DTWD1: variants seen among roughly 807,000 people sequenced by gnomAD.
DTWD1 encodes tRNA-uridine aminocarboxypropyltransferase 1.
A neutral mutation model predicts 30.2 loss-of-function variants in DTWD1; 27 were observed. The ratio of observed to expected loss-of-function variants is 0.90; its 90% CI spans 0.66 to 1.23. The LOEUF (loss-of-function observed/expected upper bound fraction) is 1.23. Among genes scored for constraint, DTWD1 ranks in the 50% most tolerant of loss-of-function variants. DTWD1 has a pLI of 0.00. For missense variants in DTWD1, 342 were observed against 348.8 expected, an observed-to-expected ratio of 0.98 and a Z score of 0.15; for synonymous variants, 99 against 113.1, an observed-to-expected ratio of 0.88 and a Z score of 0.79.
At chr15:49,623,426 C>CTT (rs112862445) in intron 1 of DTWD1, among the ~76,000 whole-genome samples, 1 of 147,280 alleles carries the variant, frequency 6.8e-6, no homozygotes, top group African/African-American at 2.5e-5. Flanking sequence ...TCTTCCCAAG[C>CTT]TTTTTTTTTT....
chr15:49,638,372 T>G (rs898473401), intron 4 of DTWD1, among the ~76,000 whole-genome samples: 1 of 152,162 alleles, frequency 6.6e-6, no homozygotes, highest in African/African-American at 2.4e-5. Flanking sequence ...AGATCAAAAA[T>G]TTTTAAAGGG....
chr15:49,628,809 A>G (rs886451194), intron 2 of DTWD1, among the ~76,000 whole-genome samples: 2 of 152,018 alleles, frequency 1.3e-5, no homozygotes, highest in Middle Eastern at 3.2e-3. Flanking sequence ...CCTCAGAGCA[A>G]ATGTTTTTGT....
rs1185009936 is a variant in DTWD1, at chr15:49,649,222, G to A, written c.*5644G>A. The A allele has an allele frequency of 6.6e-6, 1 of 152,144 alleles. No homozygotes were observed. The highest frequency in any genetic ancestry group is 2.4e-5 in the African/African-American group (1 of 41,440). 9.4% of individuals were successfully genotyped at this position (152,144 alleles called of 1,614,324 possible). On this transcript the variant is annotated 3_prime_UTR_variant, in exon 5 of 5. Transcript: ENST00000403028. ...TTCTTAACAACATTGGAAACTAGAAGACATGGGGTGATGCCTTTAGAACTT... is the reference window on the plus strand; with the variant it reads ...TTCTTAACAACATTGGAAACTAGAAAACATGGGGTGATGCCTTTAGAACTT...
chr15:49,643,179 A>G (rs984483290), intron 4 of DTWD1, 152 bp from the exon 5 acceptor site: 5 of 840,194 alleles, frequency 6.0e-6, no homozygotes, highest in African/African-American at 1.8e-5. Flanking sequence ...TCTTGTTTCA[A>G]ACTGGGATTG....
chr15:49,623,948 T>C (rs1022722867), intron 1 of DTWD1: 1 of 152,194 alleles, frequency 6.6e-6, no homozygotes, highest in Admixed American at 6.5e-5. Flanking sequence ...TACTGTATTT[T>C]GTTTTTCCCC....
chr15:49,654,045 G>C lies in DTWD1; in HGVS notation c.*10467G>C, dbSNP rs1324257109. 6.6e-6 allele frequency: 1 copy of C among 152,096 alleles called. No individual in the cohort carries two copies. Among genetic ancestry groups the C allele is most frequent in the East Asian group, 1.9e-4 (1 of 5,140 alleles). The allele number at this position is 152,096 out of a possible 1,614,324, so 9.4% of individuals were successfully genotyped here. ...GACCCTGAAAACAATTTAATTTTAT[G>C]CTTCCTGTTTCCTTGTCTCCTTTTT... On this transcript the variant is annotated 3_prime_UTR_variant, in exon 5 of 5. Transcript: ENST00000403028.
chr15:49,637,480 T>C (rs2079016886), intron 4 of DTWD1, among the ~76,000 whole-genome samples: 1 of 152,190 alleles, frequency 6.6e-6, no homozygotes, highest in Non-Finnish European at 1.5e-5. Flanking sequence ...TTCATTACTT[T>C]TGGGATGTCA....
rs571455308 is a variant in DTWD1, at chr15:49,625,511, A to G, written c.264+80A>G. 17 of 1,248,040 alleles carry G rather than the reference A, an allele frequency of 1.4e-5. 1 individual carries two copies. The South Asian group carries it at 2.7e-4, about 19-fold the overall frequency. 77.3% of individuals were successfully genotyped at this position (1,248,040 alleles called of 1,614,324 possible). On this transcript the variant is annotated intron_variant, in intron 2 of 4. Coordinates refer to ENST00000403028, the MANE Select transcript of DTWD1 (RefSeq NM_001144955.2). ...CTCATGTATACCTACTCTAATTGAT[A>G]AACTTAATAAATAATGTTATTATTG...
chr15:49,632,026 T>G (rs2078927025), intron 2 of DTWD1, 133 bp from the exon 3 acceptor site: 1 of 864,758 alleles, frequency 1.2e-6, no homozygotes, highest in African/African-American at 1.7e-5. Context: ...AATATTATGG[T>G]ATATCTTTTA....
chr15:49,634,140 G>T (rs2078969027), intron 3 of DTWD1, among the ~76,000 whole-genome samples: 1 of 152,090 alleles, frequency 6.6e-6, no homozygotes, highest in Non-Finnish European at 1.5e-5. Flanking sequence ...TGTATCATTT[G>T]TTTTATCTTT....
At position 49,646,827 on chromosome 15, in the gene DTWD1, C is replaced by T. The variant is rs939421625; in HGVS notation, c.*3249C>T. The stretch of plus-strand genomic sequence containing the variant: ...CTCCCATTATTGCCAGCCTCACTTC[C>T]TTTCTTCCTCGCTCTTACCAGCCTG... On this transcript the variant is annotated 3_prime_UTR_variant, in exon 5 of 5. Transcript: ENST00000403028. 7 of 152,210 alleles carry T rather than the reference C, an allele frequency of 4.6e-5. No homozygotes were observed. The highest frequency in any genetic ancestry group is 4.6e-4 in the Admixed American group (7 of 15,268). 9.4% of individuals were successfully genotyped at this position (152,210 alleles called of 1,614,324 possible).
At chr15:49,631,540 A>C (rs370891002) in intron 2 of DTWD1, among the ~76,000 whole-genome samples, 13 of 152,146 alleles carry the variant, frequency 8.5e-5, no homozygotes, top group African/African-American at 3.1e-4. Flanking sequence ...AGGCAGGCAG[A>C]TCGCTTGAGG....
intron 3 of DTWD1, among the ~76,000 whole-genome samples, chr15:49,633,143 G>A (rs1185088800): frequency 1.3e-5 from 2 of 149,480 alleles, no homozygotes; most frequent in Non-Finnish European, 3.0e-5. Context: ...CTAGGAAAAT[G>A]TTTCTTTCTC....
chr15:49,653,699 C>T lies in DTWD1; in HGVS notation c.*10121C>T, dbSNP rs546911389. 4.6e-4 allele frequency: 70 copies of T among 152,164 alleles called. No homozygotes were observed. The South Asian group carries it at 0.014, about 31-fold the overall frequency. 9.4% of individuals were successfully genotyped at this position (152,164 alleles called of 1,614,324 possible). On this transcript the variant is annotated 3_prime_UTR_variant, in exon 5 of 5. Transcript: ENST00000403028. ...TGGAACAGAAAATGAAACTTAATAG[C>T]TTGTAGATGTCTTAAGGAGATTTCC...
At chr15:49,630,996 C>T in intron 2 of DTWD1, 2 of 446,006 alleles carry the variant, frequency 4.5e-6, no homozygotes, top group South Asian at 3.2e-5. Context: ...TCTCCCATGT[C>T]CTAGATGGGA....
chr15:49,646,783 T>C lies in DTWD1; in HGVS notation c.*3205T>C, dbSNP rs2079121902. On this transcript the variant is annotated 3_prime_UTR_variant, in exon 5 of 5. Coordinates refer to ENST00000403028, the MANE Select transcript of DTWD1 (RefSeq NM_001144955.2). ...AACAGCAGCAAGTGCTACACAGTAA[T>C]TTATCAGTTTGCATTTGCCTCCCAT... is the stretch of plus-strand genomic sequence containing the variant. 6.6e-6 allele frequency: 1 copy of C among 152,214 alleles called. No homozygotes were observed. The highest frequency in any genetic ancestry group is 2.4e-5 in the African/African-American group (1 of 41,454). The allele number at this position is 152,214 out of a possible 1,614,324, so 9.4% of individuals were successfully genotyped here.
At chr15:49,643,104 TG>T (rs1460430462) in intron 4 of DTWD1, among the ~76,000 whole-genome samples, 1 of 152,096 alleles carries the variant, frequency 6.6e-6, no homozygotes, top group East Asian at 1.9e-4. Context: ...TTAACTGTCA[TG>T]TATAAGATTT....
intron 2 of DTWD1, among the ~76,000 whole-genome samples, chr15:49,626,228 C>G (rs1458689597): frequency 6.6e-6 from 1 of 151,984 alleles, no homozygotes; most frequent in Non-Finnish European, 1.5e-5. Flanking sequence ...TTGGACTGCT[C>G]CTTGAGAAAA....
Position 49,647,004 on chromosome 15 carries a change from C to G in DTWD1, c.*3426C>G, listed in dbSNP as rs182471495. 1 of 151,994 alleles carries G rather than the reference C, an allele frequency of 6.6e-6. No homozygotes were observed. Among genetic ancestry groups the G allele is most frequent in the Non-Finnish European group, 1.5e-5 (1 of 67,990 alleles). The allele number at this position is 151,994 out of a possible 1,614,324, so 9.4% of individuals were successfully genotyped here. On this transcript the variant is annotated 3_prime_UTR_variant, in exon 5 of 5. Transcript: ENST00000403028. ...GTTTAGTAAAGAAATTAAGGTTTAC[C>G]CCAATGTGAGAATTACTGGGGTAAT...
Sources: allele counts gnomAD v4.1 joint callset (sites outside exome capture counted in the v4.1 genomes callset), GRCh38; gene constraint gnomAD v4.1.1; transcripts MANE v1.5; gene names NCBI Gene and HGNC (gene_info 2026-07-23, HGNC 2026-07-21).